FGD3: variants seen among roughly 807,000 people sequenced by gnomAD.
The protein encoded by FGD3 is FYVE, RhoGEF and PH domain containing 3.
FGD3 carries 45 observed loss-of-function variants against 71.8 expected under a neutral mutation model. The ratio of observed to expected loss-of-function variants is 0.63; its 90% CI spans 0.49 to 0.80. FGD3 has a LOEUF of 0.80. FGD3 is among the 30% of genes least tolerant of loss of function. The pLI, the probability that FGD3 is intolerant of heterozygous loss-of-function variation, is 0.00. For synonymous variants in FGD3, 378 were observed against 392.8 expected, an observed-to-expected ratio of 0.96 and a Z score of 0.44; for missense variants, 844 against 951.5, an observed-to-expected ratio of 0.89 and a Z score of 1.49.
intron 1 of FGD3, among the ~76,000 whole-genome samples, chr9:92,963,062 C>G (rs1859203003): frequency 6.6e-6 from 1 of 152,160 alleles, no homozygotes; most frequent in Non-Finnish European, 1.5e-5. Context: ...GGGTGTAGCT[C>G]TGCATCCTCA....
At chr9:92,990,057 G>C (rs1020966581) in intron 3 of FGD3, among the ~76,000 whole-genome samples, 2 of 151,576 alleles carry the variant, frequency 1.3e-5, no homozygotes, top group Non-Finnish European at 1.5e-5. Flanking sequence ...ACTGTTGTTC[G>C]TATATTGATT....
At chr9:93,032,078 A>G (rs1365209963) in intron 15 of FGD3, among the ~76,000 whole-genome samples, 1 of 152,236 alleles carries the variant, frequency 6.6e-6, no homozygotes, top group African/African-American at 2.4e-5. Flanking sequence ...CAGACAGACC[A>G]TGACAACTTC....
In FGD3 at chr9:93,011,030, T is replaced by TGCA. The variant is rs878922052; in HGVS notation, c.977-182_977-180dup. Among the ~76,000 whole-genome samples, 15 of 152,088 alleles carry TGCA rather than the reference T, an allele frequency of 9.9e-5. No individual in the cohort carries two copies. In the East Asian group the frequency reaches 2.3e-3, roughly 24 times the overall value. ...GTATTGGCCCCAGAAGGGATGTGTC[T>TGCA]GCAGGGTCAGAGGCAGGGTCACCCC... On this transcript the variant is annotated intron_variant, in intron 7 of 17. Transcript: ENST00000375482.
chr9:93,002,819 G>A, intron 3 of FGD3, 106 bp from the exon 4 acceptor site: 11 of 1,109,628 alleles, frequency 9.9e-6, no homozygotes, highest in Non-Finnish European at 1.3e-5. Context: ...GTGGCCTCCT[G>A]CCACCCCTGT....
At chr9:92,966,710 T>A (rs1229054354) in intron 1 of FGD3, among the ~76,000 whole-genome samples, 4 of 152,174 alleles carry the variant, frequency 2.6e-5, no homozygotes, top group Non-Finnish European at 5.9e-5. Flanking sequence ...AGTGTGTGAA[T>A]GAGGGCTGAG....
In FGD3 at chr9:93,035,717, C is replaced by T. The variant is rs4073460; in HGVS notation, c.*128C>T. The T allele has an allele frequency of 0.55, 733,083 of 1,328,044 alleles. 205,928 individuals are homozygous for T. The highest frequency in any genetic ancestry group is 0.77 in the African/African-American group (51,736 of 67,036). The allele number at this position is 1,328,044 out of a possible 1,614,324, so 82.3% of individuals were successfully genotyped here. A position where few individuals can be genotyped will look rare whatever the true frequency, so the allele number is the denominator to read the frequency against. On this transcript the variant is annotated 3_prime_UTR_variant, in exon 18 of 18. Transcript: ENST00000375482. ...GGCCAACAGCCCAGAGCTCAGGACA[C>T]TTGGCTTTGGGGGGAAGGAAACTGA...
In FGD3 at chr9:93,006,053, T is replaced by G. The variant is rs2118710448; in HGVS notation, c.710T>G (p.Leu237Arg). ...ACAAACCCACGGCTCGGGGACATCC[T>G]GCAGAAGCTGGCCCCATTCCTGAAG... ...WDTNPRLGDI[L>R]QKLAPFLKMY... The change falls in exon 6 of 18, where the codon CTG becomes CGG. Residue 237 changes from leucine (L) to arginine (R), a missense_variant. Leu to Arg is a moderately radical substitution (Grantham distance 102). Transcript: ENST00000375482. 2 of 1,611,154 alleles carry G rather than the reference T, an allele frequency of 1.2e-6. No individual in the cohort carries two copies. Among genetic ancestry groups the G allele is most frequent in the South Asian group, 2.2e-5 (2 of 90,652 alleles).
At chr9:92,981,299 C>G (rs1011359304) in intron 3 of FGD3, among the ~76,000 whole-genome samples, 1 of 143,208 alleles carries the variant, frequency 7.0e-6, no homozygotes, top group Non-Finnish European at 1.5e-5. Context: ...ACCTGGGAGG[C>G]GGAGCTTGCA....
intron 2 of FGD3, among the ~76,000 whole-genome samples, chr9:92,975,686 C>T (rs1564146299): frequency 6.6e-6 from 1 of 152,130 alleles, no homozygotes; most frequent in Non-Finnish European, 1.5e-5. Context: ...CAAGACGCAC[C>T]TCCTGCCCCA....
At chr9:92,982,420 G>T (rs1339698160) in intron 3 of FGD3, among the ~76,000 whole-genome samples, 3 of 152,174 alleles carry the variant, frequency 2.0e-5, no homozygotes, top group Non-Finnish European at 4.4e-5. Context: ...TATCTTGGCT[G>T]CTGTGAATAG....
At chr9:92,978,808 C>CCCTTT (rs1461586985) in intron 3 of FGD3, among the ~76,000 whole-genome samples, 2 of 127,126 alleles carry the variant, frequency 1.6e-5, no homozygotes, top group African/African-American at 6.0e-5. Context: ...TCCTTCCCTT[C>CCCTTT]CCTTTCCTTG....
At chr9:93,017,901 GATGAGCGGTC>G (rs1205406344) in intron 10 of FGD3, among the ~76,000 whole-genome samples, 1 of 152,180 alleles carries the variant, frequency 6.6e-6, no homozygotes, top group Non-Finnish European at 1.5e-5. Flanking sequence ...AAGCACAGAA[GATGAGCGGTC>G]ATAGCTGTGT....
Position 93,010,349 on chromosome 9 carries a change from T to C in FGD3, c.941T>C (p.Leu314Pro), listed in dbSNP as rs1464705963. The C allele has an allele frequency of 6.2e-7, 1 of 1,613,094 alleles. No individual in the cohort carries two copies. Among genetic ancestry groups the C allele is most frequent in the Non-Finnish European group, 8.5e-7 (1 of 1,179,260 alleles). ...ELLLKDYLKR[L>P]PQDAPDRKDA... is the part of the protein sequence containing the mutation. ...CTGCTCAAGGACTATCTGAAGAGGC[T>C]CCCGCAGGACGCCCCAGACCGGAAG... Residue 314 changes from leucine to proline, a missense_variant, in exon 7 of 18, where the codon CTC (leucine) becomes CCC (proline). By Grantham distance (98) the Leu-to-Pro change is moderately conservative. Coordinates refer to ENST00000375482, the MANE Select transcript of FGD3 (RefSeq NM_001083536.2).
rs766990798 is a variant in FGD3, at chr9:92,976,243, G to T, written c.-14G>T. The T allele has an allele frequency of 4.5e-6, 7 of 1,554,088 alleles. No homozygotes were observed. Among genetic ancestry groups the T allele is most frequent in the Non-Finnish European group, 6.1e-6 (7 of 1,145,854 alleles). ...GCCAGCCTCCACCTGAGCCCAGTGA[G>T]CTCAGCTTTAAGGATGGAGTCAGGC... On this transcript the variant is annotated 5_prime_UTR_variant, in exon 3 of 18. Transcript: ENST00000375482.
chr9:93,023,377 CAG>C (rs1861998726), intron 14 of FGD3, among the ~76,000 whole-genome samples: 1 of 152,210 alleles, frequency 6.6e-6, no homozygotes, highest in Non-Finnish European at 1.5e-5. Flanking sequence ...TGTAGTGCTT[CAG>C]GGGCACGACG....
intron 1 of FGD3, among the ~76,000 whole-genome samples, chr9:92,974,284 C>T (rs1281987607): frequency 1.3e-5 from 2 of 152,192 alleles, no homozygotes; most frequent in African/African-American, 4.8e-5. Context: ...CCATGTTTGA[C>T]CTCTGGAAAC....
At chr9:93,014,388 G>C (rs1010953280) in intron 9 of FGD3, among the ~76,000 whole-genome samples, 6 of 152,244 alleles carry the variant, frequency 3.9e-5, no homozygotes, top group Non-Finnish European at 7.3e-5. Flanking sequence ...GAGGGAGGGG[G>C]AAGGTGGGAT....
intron 7 of FGD3, among the ~76,000 whole-genome samples, chr9:93,010,749 A>C (rs1462627179): frequency 6.7e-6 from 1 of 148,866 alleles, no homozygotes; most frequent in Non-Finnish European, 1.5e-5. Context: ...GAGAGAGAAC[A>C]AGTGAGCCCC....
At chr9:92,972,865 G>GCA (rs1859587203) in intron 1 of FGD3, among the ~76,000 whole-genome samples, 1 of 151,936 alleles carries the variant, frequency 6.6e-6, no homozygotes, top group Non-Finnish European at 1.5e-5. Context: ...ATGTCTAATT[G>GCA]GTTGTTAATT....
Sources: allele counts gnomAD v4.1 joint callset (sites outside exome capture counted in the v4.1 genomes callset), GRCh38; gene constraint gnomAD v4.1.1; transcripts MANE v1.5; gene names NCBI Gene and HGNC (gene_info 2026-07-23, HGNC 2026-07-21).